Variants in PLPP1 observed in about 807,000 individuals in gnomAD.
PLPP1 encodes the protein phospholipid phosphatase 1.
PLPP1 carries 24 observed loss-of-function variants against 31.2 expected under a neutral mutation model. The observed-to-expected ratio is 0.77, with a 90% CI of 0.56 to 1.08. The LOEUF is 1.08. Ranked by LOEUF, PLPP1 falls within the 50% of genes least tolerant of loss-of-function variation. The pLI is 0.00. For synonymous variants in PLPP1, 146 were observed against 126.3 expected, an observed-to-expected ratio of 1.16 and a Z score of -1.05; for missense variants, 319 against 342.7, an observed-to-expected ratio of 0.93 and a Z score of 0.55.
At chr5:55,428,481 T>C (rs780282701) in intron 4 of PLPP1, among the ~76,000 whole-genome samples, 1 of 152,294 alleles carries the variant, frequency 6.6e-6, no homozygotes, top group South Asian at 2.1e-4. Context: ...GCTTTTCCCC[T>C]CCCACCTTGC....
At chr5:55,500,159 A>G (rs566900056) in intron 1 of PLPP1, among the ~76,000 whole-genome samples, 1 of 149,448 alleles carries the variant, frequency 6.7e-6, no homozygotes, top group Non-Finnish European at 1.5e-5. Context: ...GGCTCACTAC[A>G]AGCTCCACTT....
At chr5:55,496,661 G>A (rs1224756886) in intron 1 of PLPP1, among the ~76,000 whole-genome samples, 1 of 152,208 alleles carries the variant, frequency 6.6e-6, no homozygotes, top group Admixed American at 6.5e-5. Flanking sequence ...GGCCATGGGT[G>A]ACAGTACCAC....
At chr5:55,430,599 A>G (rs1362615809) in intron 4 of PLPP1, among the ~76,000 whole-genome samples, 2 of 152,220 alleles carry the variant, frequency 1.3e-5, no homozygotes, top group South Asian at 2.1e-4. Flanking sequence ...ATCCTCCCCT[A>G]TGAAGGCAAA....
Position 55,457,629 on chromosome 5 carries a change from G to A in PLPP1, c.491+10240C>T, listed in dbSNP as rs186817913. ...ATGAATAATTTGCAAGGGGGCTCAC[G>A]CCTGTAATCCCAGCACTCTGGGAGG... On this transcript the variant is annotated intron_variant, in intron 3 of 5. Coordinates refer to ENST00000307259, the MANE Select transcript of PLPP1 (RefSeq NM_003711.4). Among the ~76,000 whole-genome samples the A allele has an allele frequency of 9.4e-4, 143 of 152,224 alleles. 1 individual carries two copies. The highest frequency in any genetic ancestry group is 3.3e-3 in the African/African-American group (135 of 41,534).
chr5:55,508,722 C>G (rs186671357), intron 1 of PLPP1: 2 of 153,874 alleles, frequency 1.3e-5, no homozygotes, highest in African/African-American at 4.8e-5. Context: ...AAACTTTTAG[C>G]TGAGGTATCA....
rs1352515926 is a variant in PLPP1 at position 55,475,203 on chromosome 5, T to G, written c.210+96A>C. On this transcript the variant is annotated intron_variant, in intron 2 of 5. Coordinates refer to ENST00000307259, the MANE Select transcript of PLPP1 (RefSeq NM_003711.4). ...TTAAAGGTTTAAAAAGCATACATTGTTTTTGGAGGATTACACATTTAAGCA... is the reference window on the plus strand; with the variant it reads ...TTAAAGGTTTAAAAAGCATACATTGGTTTTGGAGGATTACACATTTAAGCA... 8 of 1,110,326 alleles carry G rather than the reference T, an allele frequency of 7.2e-6. No homozygotes were observed. The Middle Eastern group carries it at 8.3e-4, about 115-fold the overall frequency. 68.8% of individuals were successfully genotyped at this position (1,110,326 alleles called of 1,614,324 possible). A position where few individuals can be genotyped will look rare whatever the true frequency, so the allele number is the denominator to read the frequency against.
chr5:55,491,745 C>G (rs1752892218), intron 1 of PLPP1, among the ~76,000 whole-genome samples: 2 of 151,188 alleles, frequency 1.3e-5, no homozygotes, highest in Admixed American at 1.3e-4. Context: ...GTAGTCCCAG[C>G]TACTGGGCAG....
intron 1 of PLPP1, among the ~76,000 whole-genome samples, chr5:55,503,504 G>A (rs1007099733): frequency 6.6e-6 from 1 of 151,832 alleles, no homozygotes; most frequent in African/African-American, 2.4e-5. Context: ...GGCTGGGTGC[G>A]GTAGTTCATG....
At chr5:55,465,175 C>T (rs1752261171) in intron 3 of PLPP1, among the ~76,000 whole-genome samples, 1 of 151,932 alleles carries the variant, frequency 6.6e-6, no homozygotes, top group Non-Finnish European at 1.5e-5. Context: ...TCCCAAGTAG[C>T]TGGGATTACA....
intron 4 of PLPP1, among the ~76,000 whole-genome samples, chr5:55,434,789 G>GA (rs1171629134): frequency 1.3e-5 from 2 of 152,128 alleles, no homozygotes; most frequent in East Asian, 3.8e-4. Flanking sequence ...TGTAAGACCT[G>GA]AAACGATAAA....
intron 1 of PLPP1, among the ~76,000 whole-genome samples, chr5:55,514,562 ATAAAGT>A (rs965914111): frequency 6.6e-6 from 1 of 152,248 alleles, no homozygotes; most frequent in African/African-American, 2.4e-5. Flanking sequence ...AGAAACTAAA[ATAAAGT>A]TATACTAAGG....
chr5:55,442,195 C>T (rs1751636356), intron 3 of PLPP1, among the ~76,000 whole-genome samples: 1 of 152,158 alleles, frequency 6.6e-6, no homozygotes, highest in Admixed American at 6.5e-5. Flanking sequence ...AAGAATGATA[C>T]TTGACAAGTC....
intron 1 of PLPP1, among the ~76,000 whole-genome samples, chr5:55,488,953 C>A (rs956249897): frequency 3.3e-5 from 5 of 151,788 alleles, no homozygotes; most frequent in Non-Finnish European, 7.4e-5. Flanking sequence ...CGCTTGAACC[C>A]GAGCTGAGGC....
At chr5:55,505,263 C>T (rs950941771) in intron 1 of PLPP1, among the ~76,000 whole-genome samples, 2 of 152,056 alleles carry the variant, frequency 1.3e-5, no homozygotes, top group African/African-American at 4.8e-5. Context: ...ATTATTTACA[C>T]TTATTGGCAA....
At chr5:55,492,801 C>T (rs938050243) in intron 1 of PLPP1, among the ~76,000 whole-genome samples, 6 of 152,068 alleles carry the variant, frequency 3.9e-5, no homozygotes, top group Admixed American at 1.3e-4. Context: ...TTTCATATAA[C>T]GTTGTTGAAG....
At chr5:55,483,658 G>A (rs1360231155) in intron 1 of PLPP1, among the ~76,000 whole-genome samples, 2 of 131,536 alleles carry the variant, frequency 1.5e-5, no homozygotes, top group Non-Finnish European at 3.2e-5. Context: ...GGTGACAAAG[G>A]GAGACTGTCT....
intron 3 of PLPP1, among the ~76,000 whole-genome samples, chr5:55,443,192 A>AAAAAAAAAAAAATATAT: frequency 1.1e-3 from 28 of 25,402 alleles, no homozygotes; most frequent in African/African-American, 2.4e-3. Context: ...AAAAAAAAAA[A>AAAAAAAAAAAAATATAT]ATATATATAT....
At chr5:55,478,282 T>A in intron 1 of PLPP1, among the ~76,000 whole-genome samples, 1 of 152,238 alleles carries the variant, frequency 6.6e-6, no homozygotes, top group Non-Finnish European at 1.5e-5. Context: ...TAGCCCATTT[T>A]AAAAAATAAA....
intron 3 of PLPP1, among the ~76,000 whole-genome samples, chr5:55,459,086 T>C (rs1752094660): frequency 1.3e-5 from 2 of 151,768 alleles, no homozygotes; most frequent in African/African-American, 4.8e-5. Flanking sequence ...CTAAAAGTTT[T>C]ACTTATAGAA....
Sources: allele counts gnomAD v4.1 joint callset (sites outside exome capture counted in the v4.1 genomes callset), GRCh38; gene constraint gnomAD v4.1.1; transcripts MANE v1.5; gene names NCBI Gene and HGNC (gene_info 2026-07-23, HGNC 2026-07-21).